The following PURG variants were observed in gnomAD, a reference collection of about 807,000 sequenced individuals.
The protein encoded by PURG is purine-rich element-binding protein gamma.
PURG carries 3 observed loss-of-function variants against 24.3 expected under a neutral mutation model. The observed-to-expected ratio is 0.12, with a 90% CI of 0.06 to 0.32. The LOEUF (loss-of-function observed/expected upper bound fraction) is 0.32. Ranked by LOEUF, PURG falls within the 10% of genes least tolerant of loss-of-function variation. PURG has a pLI of 1.00. For missense variants in PURG, 371 were observed against 439.1 expected (o/e 0.84, Z 1.39); for synonymous variants, 180 against 173.1 (o/e 1.04, Z -0.31).
chr8:31,005,884 C>T (rs1397740866), intron 1 of PURG, among the ~76,000 whole-genome samples: 1 of 150,626 alleles, frequency 6.6e-6, no homozygotes, highest in Non-Finnish European at 1.5e-5. Flanking sequence ...GGTTTTATAT[C>T]AGGGGCTACT....
intron 1 of PURG, among the ~76,000 whole-genome samples, chr8:31,022,033 C>T (rs1271882648): frequency 1.3e-5 from 2 of 149,054 alleles, no homozygotes; most frequent in Non-Finnish European, 3.0e-5. Context: ...TGCAGTGGTG[C>T]CATCTCAGCT....
At position 31,033,343 on chromosome 8, in the gene PURG, G is replaced by T; in HGVS notation, c.-272C>A. 6.4e-6 allele frequency: 1 copy of T among 156,808 alleles called. No individual in the cohort carries two copies. The highest frequency in any genetic ancestry group is 1.4e-5 in the Non-Finnish European group (1 of 71,404). 9.7% of individuals were successfully genotyped at this position (156,808 alleles called of 1,614,324 possible). ...CCGCACCCGCCAGGAGGGGAGGGAA[G>T]GGGAGGCGGGGAGAGCGACGGCGGG... is the stretch of plus-strand genomic sequence containing the variant. On this transcript the variant is annotated 5_prime_UTR_variant, in exon 1 of 2. Transcript: ENST00000523392.
downstream of PURG, among the ~76,000 whole-genome samples, chr8:31,028,897 G>C (rs929118513): frequency 6.6e-6 from 1 of 151,742 alleles, no homozygotes; most frequent in Non-Finnish European, 1.5e-5. Flanking sequence ...CAGTGAACTA[G>C]TACTTTTGGT....
In PURG at chr8:31,032,148, A is replaced by G. The variant is rs756349318; in HGVS notation, c.635T>C (p.Phe212Ser). ...MMRGTGMIGY[F>S]GHSLGQEQTI... Reference sequence around the variant, plus strand: ...CTGTTCTTGGCCCAAACTGTGGCCAAAATAACCTATCATGCCAGTCCCCCG... The same window carrying G: ...CTGTTCTTGGCCCAAACTGTGGCCAGAATAACCTATCATGCCAGTCCCCCG... The change falls in exon 2 of 2, where the codon TTT becomes TCT. Residue 212 changes from phenylalanine (F) to serine (S), a missense_variant. This residue lies in a region of PURG where 41 missense variants were observed against 29.8 expected (regional missense o/e 1.38). Coordinates refer to ENST00000523392, the MANE Select transcript of PURG (RefSeq NM_001323311.2). The surrounding 1 kb of genome is among the most constrained non-coding windows in gnomAD (Gnocchi z 5.9). The G allele has an allele frequency of 4.3e-6, 7 of 1,614,104 alleles. No individual in the cohort carries two copies. The highest frequency in any genetic ancestry group is 1.1e-5 in the South Asian group (1 of 91,092).
At chr8:31,027,872 T>C (rs935433040), downstream of PURG, among the ~76,000 whole-genome samples, 8 of 151,762 alleles carry the variant, frequency 5.3e-5, no homozygotes, top group Non-Finnish European at 7.4e-5. Flanking sequence ...GGTTAGTACT[T>C]CTGTGAATTC....
rs566964162 is a variant in PURG, at chr8:31,032,746, G to T, written c.37C>A (p.Arg13Ser). The T allele has an allele frequency of 4.2e-6, 6 of 1,436,410 alleles. No homozygotes were observed. Among genetic ancestry groups the T allele is most frequent in the East Asian group, 5.0e-5 (2 of 40,320 alleles). The allele number at this position is 1,436,410 out of a possible 1,614,324, so 89.0% of individuals were successfully genotyped here. The change falls in exon 2 of 2, where the codon CGC (arginine) becomes AGC (serine). Residue 13 changes from arginine to serine, a missense_variant. Around this residue, in one of 5 missense-constraint regions of PURG, gnomAD observed 213 missense variants for 230.6 expected, o/e 0.92. Coordinates refer to ENST00000523392, the MANE Select transcript of PURG (RefSeq NM_001323311.2). The surrounding 1 kb of genome is among the most constrained non-coding windows in gnomAD (Gnocchi z 5.9). ...RARRRGGGGG[R>S]GRGGKNVGGS... ...CCTACATTCTTGCCTCCGCGGCCGC[G>T]GCCGCCGCCGCCTCCCCTTCGCCTG...
At chr8:31,027,807 G>A (rs1365810677), downstream of PURG, among the ~76,000 whole-genome samples, 4 of 151,668 alleles carry the variant, frequency 2.6e-5, no homozygotes, top group Admixed American at 2.0e-4. Flanking sequence ...ATCTTAAGAA[G>A]CTTTTAAGAT....
At chr8:31,008,494 G>T (rs750257980) in intron 1 of PURG, among the ~76,000 whole-genome samples, 1 of 152,158 alleles carries the variant, frequency 6.6e-6, no homozygotes, top group Admixed American at 6.5e-5. Context: ...AGTAAAGATG[G>T]GGTTTCACCA....
chr8:30,998,670 T>C (rs978809210), intron 1 of PURG, among the ~76,000 whole-genome samples: 8 of 151,846 alleles, frequency 5.3e-5, no homozygotes, highest in Admixed American at 5.3e-4. Flanking sequence ...GAAGGATGTA[T>C]AATTTCTAAA....
At chr8:31,021,965 TTC>T (rs1248960394) in intron 1 of PURG, among the ~76,000 whole-genome samples, 1 of 149,862 alleles carries the variant, frequency 6.7e-6, no homozygotes, top group Non-Finnish European at 1.5e-5. Flanking sequence ...CCAAATTCAT[TTC>T]TTTCTTTTTT....
chr8:31,005,872 C>A (rs542513513), intron 1 of PURG, among the ~76,000 whole-genome samples: 1 of 150,448 alleles, frequency 6.6e-6, no homozygotes, highest in African/African-American at 2.5e-5. Flanking sequence ...ATGGAGGACA[C>A]GGGTTTTATA....
At chr8:31,007,725 T>C (rs559861116) in intron 1 of PURG, among the ~76,000 whole-genome samples, 40 of 152,282 alleles carry the variant, frequency 2.6e-4, no homozygotes, top group Non-Finnish European at 4.9e-4. Flanking sequence ...AAATCGATGG[T>C]AGATCTAGAT....
intron 1 of PURG, among the ~76,000 whole-genome samples, chr8:31,001,301 T>C (rs1271637711): frequency 6.6e-6 from 1 of 152,244 alleles, no homozygotes; most frequent in Non-Finnish European, 1.5e-5. Context: ...ATGAGAATCA[T>C]TTCTACCCTA....
chr8:31,010,654 T>C (rs1009792798), intron 1 of PURG, among the ~76,000 whole-genome samples: 1 of 152,208 alleles, frequency 6.6e-6, no homozygotes, highest in African/African-American at 2.4e-5. Context: ...AAAACCCTGG[T>C]ATTTTTATTA....
intron 1 of PURG, among the ~76,000 whole-genome samples, chr8:31,003,836 G>A (rs1037114788): frequency 6.6e-6 from 1 of 152,078 alleles, no homozygotes; most frequent in Non-Finnish European, 1.5e-5. Context: ...AGTGGCTATT[G>A]GTATGTGACA....
At chr8:31,002,764 G>A (rs930096864) in intron 1 of PURG, among the ~76,000 whole-genome samples, 12 of 152,142 alleles carry the variant, frequency 7.9e-5, no homozygotes, top group Admixed American at 1.3e-4. Context: ...GATTACAGGC[G>A]TGAGCCACCG....
At chr8:31,009,879 A>C (rs1345287722) in intron 1 of PURG, among the ~76,000 whole-genome samples, 2 of 152,158 alleles carry the variant, frequency 1.3e-5, no homozygotes, top group African/African-American at 4.8e-5. Context: ...TCTCTTGTTC[A>C]TAAGCATGTA....
exon 2 of PURG, chr8:30,996,167 C>T (rs775775559): frequency 1.2e-5 from 2 of 161,016 alleles, no homozygotes; most frequent in Non-Finnish European, 2.7e-5. Context: ...CCACCTTGCA[C>T]CCTGTTAACA....
intron 1 of PURG, among the ~76,000 whole-genome samples, chr8:30,998,174 G>A (rs1214087648): frequency 1.3e-5 from 2 of 151,748 alleles, no homozygotes; most frequent in African/African-American, 2.4e-5. Context: ...TCAAATGATT[G>A]TAGACTAACT....
Sources: allele counts gnomAD v4.1 joint callset (sites outside exome capture counted in the v4.1 genomes callset), GRCh38; gene constraint gnomAD v4.1.1; regional missense constraint gnomAD v4.1.1; non-coding constraint Gnocchi (gnomAD v3.1); transcripts MANE v1.5; gene names NCBI Gene and HGNC (gene_info 2026-07-23, HGNC 2026-07-21).